Variants in SUMF1 observed in about 807,000 individuals in gnomAD.
SUMF1 encodes sulfatase modifying factor 1, also known as formylglycine-generating enzyme.
Under a neutral mutation model 47.6 loss-of-function variants are expected in SUMF1, and 48 were observed. The ratio of observed to expected loss-of-function variants is 1.01; its 90% confidence interval spans 0.80 to 1.28. The LOEUF (loss-of-function observed/expected upper bound fraction) is 1.28, where lower values mean the gene tolerates loss of function less well. Ranked by LOEUF, SUMF1 falls within the 50% of genes most tolerant of loss-of-function variation. SUMF1 has a pLI of 0.00. For missense variants in SUMF1, 571 were observed against 485.4 expected (o/e 1.18, Z -1.66); for synonymous variants, 230 against 192.1 (o/e 1.20, Z -1.63).
intron 3 of SUMF1, among the ~76,000 whole-genome samples, chr3:4,436,419 A>G (rs116621240): frequency 0.018 from 2,725 of 152,298 alleles, 29 homozygotes; most frequent in African/African-American, 0.025. Context: ...AATACTGAAT[A>G]CATATAGACA....
At chr3:4,084,627 C>T (rs993800357) in intron 8 of SUMF1, among the ~76,000 whole-genome samples, 2 of 152,112 alleles carry the variant, frequency 1.3e-5, no homozygotes, top group Admixed American at 6.6e-5. Flanking sequence ...TTCTTCCTGA[C>T]TTTCACACTT....
intron 8 of SUMF1, among the ~76,000 whole-genome samples, chr3:4,076,458 C>A (rs1011025685): frequency 1.3e-5 from 2 of 152,010 alleles, no homozygotes; most frequent in Non-Finnish European, 2.9e-5. Context: ...AATACAATAC[C>A]AAAAGCAATG....
chr3:4,099,210 T>C (rs560109223), intron 8 of SUMF1, among the ~76,000 whole-genome samples: 1 of 152,196 alleles, frequency 6.6e-6, no homozygotes, highest in East Asian at 1.9e-4. Flanking sequence ...TCCCTTGCTA[T>C]ACACCTCCCC....
rs1011050954 is a variant in SUMF1 at position 4,362,121 on chromosome 3, C to T, written c.*23G>A. 1 of 1,609,294 alleles carries T rather than the reference C, an allele frequency of 6.2e-7. No homozygotes were observed. On this transcript the variant is annotated 3_prime_UTR_variant, in exon 9 of 9. Transcript: ENST00000272902. ...AGGTCAGACACGACTGCTCCTTGGA[C>T]TGGGGAAGACTTTCCTTGGTTGTCA...
At position 4,457,082 on chromosome 3, in the gene SUMF1, G is replaced by GTA. The variant is rs912919625; in HGVS notation, c.271-4035_271-4034dup. On this transcript the variant is annotated intron_variant, in intron 1 of 8. Transcript: ENST00000272902. The stretch of plus-strand genomic sequence containing the variant: ...TGTATATATATATATATACGTGTGT[G>GTA]TATATATATATATTTTTTTTGTTTT... 2.5e-3 allele frequency among the ~76,000 whole-genome samples: 307 copies of GTA among 120,568 alleles called. 2 individuals are homozygous for GTA. The highest frequency in any genetic ancestry group is 7.4e-3 in the African/African-American group (276 of 37,208). 79.1% of individuals were successfully genotyped at this position (120,568 alleles called of 152,430 possible). A position where few individuals can be genotyped will look rare whatever the true frequency, so the allele number is the denominator to read the frequency against.
intron 8 of SUMF1, among the ~76,000 whole-genome samples, chr3:4,225,942 G>A (rs892783034): frequency 9.9e-5 from 15 of 152,104 alleles, no homozygotes; most frequent in Non-Finnish European, 1.9e-4. Flanking sequence ...GAAGATGTAG[G>A]ATGGAGAGCC....
At chr3:4,439,193 G>A (rs149458337) in intron 3 of SUMF1, among the ~76,000 whole-genome samples, 2 of 152,272 alleles carry the variant, frequency 1.3e-5, no homozygotes, top group Non-Finnish European at 2.9e-5. Context: ...TTTAAACTAT[G>A]TATTAAACTT....
At chr3:4,254,313 C>CT (rs1395961924) in intron 8 of SUMF1, among the ~76,000 whole-genome samples, 1 of 151,604 alleles carries the variant, frequency 6.6e-6, no homozygotes, top group Non-Finnish European at 1.5e-5. Context: ...TCAAATTACT[C>CT]TGAGCTATGG....
rs543075642 is a variant in SUMF1 at position 4,137,304 on chromosome 3, G to A, written c.1015-68559C>T. Among the ~76,000 whole-genome samples the A allele has an allele frequency of 1.4e-4, 21 of 152,220 alleles. No individual in the cohort carries two copies. The East Asian group carries it at 3.9e-3, about 28-fold the overall frequency. ...ATACTCTGCAGCCATAAAAAAGGATGAGTTCACGTCCTTTGTAGGGACATG... is the reference window on the plus strand; with the variant it reads ...ATACTCTGCAGCCATAAAAAAGGATAAGTTCACGTCCTTTGTAGGGACATG... On this transcript the variant is annotated intron_variant and NMD_transcript_variant, in intron 8 of 12. Coordinates refer to the SUMF1 transcript ENST00000448413.
intron 8 of SUMF1, among the ~76,000 whole-genome samples, chr3:4,124,656 G>C (rs1433674343): frequency 1.3e-5 from 2 of 151,684 alleles, no homozygotes; most frequent in Non-Finnish European, 2.9e-5. Flanking sequence ...TTCTCCAAAA[G>C]GACACACATT....
chr3:4,038,524 C>G (rs938272202), intron 9 of SUMF1, among the ~76,000 whole-genome samples: 1 of 152,154 alleles, frequency 6.6e-6, no homozygotes, highest in African/African-American at 2.4e-5. Flanking sequence ...TGTGGACTCC[C>G]AGCTGTTGCC....
At chr3:4,074,729 G>C (rs565971979) in intron 8 of SUMF1, among the ~76,000 whole-genome samples, 2 of 152,160 alleles carry the variant, frequency 1.3e-5, no homozygotes, top group East Asian at 3.9e-4. Context: ...AAATAAATTA[G>C]AAAATCTAGA....
intron 8 of SUMF1, among the ~76,000 whole-genome samples, chr3:4,153,506 A>G (rs1485448046): frequency 1.4e-5 from 2 of 142,736 alleles, no homozygotes; most frequent in Non-Finnish European, 3.0e-5. Context: ...GTGAGCCACA[A>G]TGCCCCGCCT....
Position 4,156,791 on chromosome 3 carries a change from A to G in SUMF1, c.1015-88046T>C, listed in dbSNP as rs1256514178. Among the ~76,000 whole-genome samples, 3 of 151,696 alleles carry G rather than the reference A, an allele frequency of 2.0e-5. No individual in the cohort carries two copies. The East Asian group carries it at 5.8e-4, about 29-fold the overall frequency. On this transcript the variant is annotated intron_variant and NMD_transcript_variant, in intron 8 of 12. Coordinates refer to the SUMF1 transcript ENST00000448413. ...TTGCTAGACAACCCAAGCGAATTCA[A>G]TCCATTTGAGTTCAACTCAAAGAGT...
intron 8 of SUMF1, among the ~76,000 whole-genome samples, chr3:4,126,260 T>A (rs543926511): frequency 5.8e-4 from 88 of 151,698 alleles, no homozygotes; most frequent in African/African-American, 1.8e-3. Context: ...GGACTGTATA[T>A]GTCAGCTCTT....
intron 2 of SUMF1, among the ~76,000 whole-genome samples, chr3:4,450,255 T>A (rs951466319): frequency 6.6e-6 from 1 of 152,244 alleles, no homozygotes; most frequent in Non-Finnish European, 1.5e-5. Flanking sequence ...TGAGATACAC[T>A]GATCGATTCT....
intron 8 of SUMF1, among the ~76,000 whole-genome samples, chr3:4,104,666 T>TTATCTCTCTC (rs1553600529): frequency 6.8e-6 from 1 of 146,752 alleles, no homozygotes; most frequent in African/African-American, 2.5e-5. Flanking sequence ...AAATCTCGAT[T>TTATCTCTCTC]TCTCTCTCTC....
At chr3:4,124,657 G>C (rs1220165179) in intron 8 of SUMF1, among the ~76,000 whole-genome samples, 1 of 151,762 alleles carries the variant, frequency 6.6e-6, no homozygotes, top group African/African-American at 2.4e-5. Flanking sequence ...TCTCCAAAAG[G>C]ACACACATTT....
intron 8 of SUMF1, among the ~76,000 whole-genome samples, chr3:4,094,533 G>A (rs1173314118): frequency 6.6e-6 from 1 of 152,044 alleles, no homozygotes; most frequent in African/African-American, 2.4e-5. Context: ...TTGAAGGTGA[G>A]GTAAGCTTAT....
Sources: allele counts gnomAD v4.1 joint callset (sites outside exome capture counted in the v4.1 genomes callset), GRCh38; gene constraint gnomAD v4.1.1; transcripts MANE v1.5; gene names NCBI Gene and HGNC (gene_info 2026-07-23, HGNC 2026-07-21).